The following SATB2 variants were observed in gnomAD, a reference collection of about 807,000 sequenced individuals.
SATB2 encodes the protein DNA-binding protein SATB2.
Under a neutral mutation model 73.4 loss-of-function variants are expected in SATB2, and 1 was observed. The observed-to-expected ratio is 0.01, with a 90% CI of 0.00 to 0.06. The LOEUF (loss-of-function observed/expected upper bound fraction) is 0.06, where lower values mean the gene tolerates loss of function less well. Among genes scored for constraint, SATB2 ranks in the 10% least tolerant of loss-of-function variants. SATB2 has a pLI of 1.00. For missense variants in SATB2, 459 were observed against 945.8 expected (o/e 0.49, Z 6.75); for synonymous variants, 397 against 367.0 (o/e 1.08, Z -0.93).
chr2:199,324,816 T>C (rs1029386607), intron 8 of SATB2, among the ~76,000 whole-genome samples: 6 of 152,172 alleles, frequency 3.9e-5, no homozygotes, highest in African/African-American at 1.4e-4. Context: ...AGACATTTTC[T>C]TAGAACCTCT....
At chr2:199,278,468 C>T (rs950291476) in intron 10 of SATB2, among the ~76,000 whole-genome samples, 3 of 152,162 alleles carry the variant, frequency 2.0e-5, no homozygotes, top group Non-Finnish European at 4.4e-5. Context: ...TTTCCCTTAG[C>T]ACAGAAAGTA....
chr2:199,425,318 GAGA>G lies in SATB2; in HGVS notation c.346+8017_346+8019del, dbSNP rs1375993693. Among the ~76,000 whole-genome samples, 4 of 152,342 alleles carry G rather than the reference GAGA, an allele frequency of 2.6e-5. No homozygotes were observed. In the South Asian group the frequency reaches 6.2e-4, roughly 24 times the overall value. On this transcript the variant is annotated intron_variant, in intron 3 of 10. Coordinates refer to ENST00000417098, the MANE Select transcript of SATB2 (RefSeq NM_001172509.2). ...CATGGGCATTAATGCCTAAGCTCTG[GAGA>G]AGAAGGACTTTAGGCAGTTTAAAAA...
chr2:199,282,318 A>G (rs902657963), intron 10 of SATB2, among the ~76,000 whole-genome samples: 2 of 152,202 alleles, frequency 1.3e-5, no homozygotes, highest in Admixed American at 6.5e-5. Context: ...ACAGGAATTT[A>G]TATCTAGTGT....
chr2:199,442,431 T>C (rs1473601556), intron 2 of SATB2, among the ~76,000 whole-genome samples: 1 of 152,202 alleles, frequency 6.6e-6, no homozygotes. Flanking sequence ...TGCTGCACCA[T>C]GCTCTGTATA....
intron 10 of SATB2, among the ~76,000 whole-genome samples, chr2:199,302,677 C>A (rs1687319995): frequency 6.6e-6 from 1 of 152,178 alleles, no homozygotes. Context: ...AAGAAAAATT[C>A]TAGTAACCCG....
intron 2 of SATB2, among the ~76,000 whole-genome samples, chr2:199,452,948 C>CAT (rs1474819551): frequency 6.6e-6 from 1 of 152,102 alleles, no homozygotes. Flanking sequence ...AAGCTAACCA[C>CAT]ATAGTAAACA....
At chr2:199,448,054 G>A (rs1384492919) in intron 2 of SATB2, among the ~76,000 whole-genome samples, 1 of 152,168 alleles carries the variant, frequency 6.6e-6, no homozygotes, top group Non-Finnish European at 1.5e-5. Context: ...CACTTAAAGA[G>A]ACATTTATCA....
chr2:199,383,939 G>A (rs1689853716), intron 3 of SATB2, among the ~76,000 whole-genome samples: 1 of 152,118 alleles, frequency 6.6e-6, no homozygotes, highest in Non-Finnish European at 1.5e-5. Flanking sequence ...GGGACATATG[G>A]GGATTTTCTT....
intron 2 of SATB2, among the ~76,000 whole-genome samples, chr2:199,445,038 C>T (rs773933223): frequency 2.0e-5 from 3 of 152,178 alleles, no homozygotes; most frequent in Non-Finnish European, 4.4e-5. Context: ...TCAAGCTATA[C>T]ATCAATCTTC....
chr2:199,280,177 A>G (rs1209987324), intron 10 of SATB2, among the ~76,000 whole-genome samples: 1 of 152,214 alleles, frequency 6.6e-6, no homozygotes, highest in African/African-American at 2.4e-5. Flanking sequence ...CTTTACTGCA[A>G]TCTCTGAACA....
At chr2:199,401,517 C>T (rs1690477018) in intron 3 of SATB2, among the ~76,000 whole-genome samples, 1 of 150,454 alleles carries the variant, frequency 6.6e-6, no homozygotes, top group Admixed American at 6.6e-5. Context: ...GGCACCACTG[C>T]ACTCCGAGCA....
chr2:199,277,869 G>A lies in SATB2; in HGVS notation c.1741-5197C>T, dbSNP rs1056427016. On this transcript the variant is annotated intron_variant, in intron 10 of 10. Coordinates refer to ENST00000417098, the MANE Select transcript of SATB2 (RefSeq NM_001172509.2). ...ATGGGAAAACTGGAGTTCCAAAAGT[G>A]TAGATAATTTGTTTAAGGTGCAGAG... Among the ~76,000 whole-genome samples, 13 of 152,288 alleles carry A rather than the reference G, an allele frequency of 8.5e-5. No homozygotes were observed. The East Asian group carries it at 1.5e-3, about 18-fold the overall frequency.
chr2:199,456,057 A>C lies in SATB2; in HGVS notation c.-20T>G, dbSNP rs1045956587. 1 of 1,542,604 alleles carries C rather than the reference A, an allele frequency of 6.5e-7. No homozygotes were observed. On this transcript the variant is annotated 5_prime_UTR_variant, in exon 2 of 11. Transcript: ENST00000417098. ...CTCCATGCTGCTCCGACTCGGAGAC[A>C]AAGTTCCCACCGGCAGGTCGCAATA... is the stretch of plus-strand genomic sequence containing the variant.
intron 3 of SATB2, among the ~76,000 whole-genome samples, chr2:199,398,013 T>C (rs1177961788): frequency 1.3e-5 from 2 of 152,182 alleles, no homozygotes; most frequent in East Asian, 3.8e-4. Context: ...GTCAGGATGT[T>C]AGAATTAACA....
In SATB2 at chr2:199,411,907, A is replaced by C. The variant is rs112323553; in HGVS notation, c.346+21431T>G. 6.2e-3 allele frequency among the ~76,000 whole-genome samples: 939 copies of C among 152,366 alleles called. 3 individuals are homozygous for C. Among genetic ancestry groups the C allele is most frequent in the Non-Finnish European group, 1.0e-2 (678 of 68,032 alleles). ...AAGGGGATGATTCTCCCAGGCTGAT[A>C]ACCTCAATTGTAATTGAATCTTAAG... is the stretch of plus-strand genomic sequence containing the variant. On this transcript the variant is annotated intron_variant, in intron 3 of 10. Transcript: ENST00000417098.
At chr2:199,404,275 C>T (rs756272944) in intron 3 of SATB2, among the ~76,000 whole-genome samples, 3 of 152,178 alleles carry the variant, frequency 2.0e-5, no homozygotes, top group African/African-American at 4.8e-5. Flanking sequence ...TGGACCTACT[C>T]GCTCTCATTT....
At chr2:199,356,484 G>C (rs931613285) in intron 6 of SATB2, among the ~76,000 whole-genome samples, 1 of 152,060 alleles carries the variant, frequency 6.6e-6, no homozygotes, top group African/African-American at 2.4e-5. Flanking sequence ...CAGGTTCTCT[G>C]CTTCCCCACC....
At position 199,396,705 on chromosome 2, in the gene SATB2, T is replaced by G. The variant is rs1241384141; in HGVS notation, c.347-14885A>C. On this transcript the variant is annotated intron_variant, in intron 3 of 10. Transcript: ENST00000417098. ...CCACGGTTATTAGTGAAAATATCACTTTTGTTGTTACCTTATTCCCAACAA... is the reference window on the plus strand; with the variant it reads ...CCACGGTTATTAGTGAAAATATCACGTTTGTTGTTACCTTATTCCCAACAA... 3 of 152,166 alleles carry G rather than the reference T, an allele frequency of 2.0e-5. No homozygotes were observed. In the East Asian group the frequency reaches 5.8e-4, roughly 29 times the overall value. The allele number at this position is 152,166 out of a possible 1,614,324, so 9.4% of individuals were successfully genotyped here.
At chr2:199,318,185 T>C (rs1288650294) in intron 9 of SATB2, among the ~76,000 whole-genome samples, 2 of 152,010 alleles carry the variant, frequency 1.3e-5, no homozygotes, top group African/African-American at 4.8e-5. Context: ...ACACAGGGTA[T>C]CTTATGGCCT....
Sources: allele counts gnomAD v4.1 joint callset (sites outside exome capture counted in the v4.1 genomes callset), GRCh38; gene constraint gnomAD v4.1.1; transcripts MANE v1.5; gene names NCBI Gene and HGNC (gene_info 2026-07-23, HGNC 2026-07-21).